Variants in RGS3 observed in about 807,000 individuals in gnomAD.
RGS3 encodes regulator of G-protein signalling 3.
RGS3 carries 80 observed loss-of-function variants against 132.6 expected under a neutral mutation model. That is an observed-to-expected ratio of 0.60 (90% CI 0.50 to 0.73). RGS3 has a LOEUF of 0.73. Among genes scored for constraint, RGS3 ranks in the 30% least tolerant of loss-of-function variants. The pLI is 0.00. For missense variants in RGS3, 1,382 were observed against 1,530.8 expected (o/e 0.90, Z 1.62); for synonymous variants, 598 against 620.6 (o/e 0.96, Z 0.54).
intron 17 of RGS3, among the ~76,000 whole-genome samples, chr9:113,525,245 T>A (rs1832149695): frequency 6.6e-6 from 1 of 152,098 alleles, no homozygotes; most frequent in African/African-American, 2.4e-5. Flanking sequence ...ATGGCTCCAT[T>A]TCTAGGTGCA....
chr9:113,482,027 C>T (rs1385574918), intron 4 of RGS3, among the ~76,000 whole-genome samples: 2 of 140,630 alleles, frequency 1.4e-5, no homozygotes, highest in Non-Finnish European at 3.1e-5. Context: ...GCCTAGGCAA[C>T]AAGTGCGAAA....
intron 23 of RGS3, 145 bp downstream of exon 21, chr9:113,595,125 G>A (rs1261386943): frequency 2.6e-6 from 2 of 780,738 alleles, no homozygotes; most frequent in Non-Finnish European, 4.2e-6. Context: ...GAGGGGCTGA[G>A]CCCAAGCTGA....
intron 19 of RGS3, chr9:113,580,902 A>G (rs1440109985): frequency 1.0e-6 from 1 of 985,628 alleles, no homozygotes; most frequent in Non-Finnish European, 1.2e-6. Context: ...GAAAGGGGAA[A>G]TGCGGCCCGC....
intron 16 of RGS3, among the ~76,000 whole-genome samples, chr9:113,519,290 C>T (rs1020330567): frequency 4.6e-5 from 7 of 152,112 alleles, no homozygotes; most frequent in African/African-American, 1.4e-4. Flanking sequence ...CTAAGGAACA[C>T]AAGCTGAAGC....
At chr9:113,553,998 G>A (rs922413145) in intron 19 of RGS3, among the ~76,000 whole-genome samples, 2 of 152,138 alleles carry the variant, frequency 1.3e-5, no homozygotes, top group Non-Finnish European at 2.9e-5. Context: ...ACATCTTGCC[G>A]CACTTTTCTG....
intron 20 of RGS3, among the ~76,000 whole-genome samples, chr9:113,584,847 T>G (rs1358053085): frequency 6.6e-6 from 1 of 152,244 alleles, no homozygotes; most frequent in African/African-American, 2.4e-5. Flanking sequence ...CAGTTTACAT[T>G]AACTCATTAA....
intron 9 of RGS3, 54 bp downstream of exon 7, chr9:113,497,458 T>C: frequency 7.0e-7 from 1 of 1,434,354 alleles, no homozygotes; most frequent in Non-Finnish European, 9.7e-7. Flanking sequence ...CCTCCCTCCT[T>C]TCCTGCATAG....
At chr9:113,479,673 C>A in intron 4 of RGS3, 132 bp downstream of exon 2, 1 of 812,180 alleles carries the variant, frequency 1.2e-6, no homozygotes, top group Non-Finnish European at 2.0e-6. Flanking sequence ...AGGATGTGTC[C>A]ATTGATAAAA....
At chr9:113,474,279 A>G (rs892663668) in intron 3 of RGS3, among the ~76,000 whole-genome samples, 1 of 152,086 alleles carries the variant, frequency 6.6e-6, no homozygotes, top group Non-Finnish European at 1.5e-5. Flanking sequence ...TGTGTGTCCT[A>G]TGTCCTCACC....
chr9:113,586,243 G>A (rs1365529395), intron 20 of RGS3, among the ~76,000 whole-genome samples: 1 of 152,158 alleles, frequency 6.6e-6, no homozygotes. Context: ...TTTGGAGGGC[G>A]GTTGAGGCCC....
At chr9:113,476,061 C>T (rs908064928) in intron 3 of RGS3, among the ~76,000 whole-genome samples, 1 of 152,120 alleles carries the variant, frequency 6.6e-6, no homozygotes, top group Non-Finnish European at 1.5e-5. Context: ...CCTCAGCCTC[C>T]CAAGCAGCTG....
At chr9:113,566,088 C>T (rs1365279761) in intron 19 of RGS3, among the ~76,000 whole-genome samples, 7 of 152,178 alleles carry the variant, frequency 4.6e-5, no homozygotes, top group African/African-American at 1.7e-4. Context: ...AGCGCTCAGC[C>T]AGCAGGGTTG....
At chr9:113,503,821 C>G (rs112294983) in intron 10 of RGS3, among the ~76,000 whole-genome samples, 3,742 of 152,302 alleles carry the variant, frequency 0.025, 66 homozygotes, top group Admixed American at 0.037. Flanking sequence ...CTCCTGGCGT[C>G]TTCCCTGGCC....
chr9:113,543,961 G>C (rs926498934), intron 19 of RGS3, among the ~76,000 whole-genome samples: 1 of 152,202 alleles, frequency 6.6e-6, no homozygotes, highest in African/African-American at 2.4e-5. Flanking sequence ...TGGCTCCACA[G>C]GCTCGAGAAG....
At chr9:113,575,246 G>A (rs752353789) in intron 19 of RGS3, among the ~76,000 whole-genome samples, 16 of 152,312 alleles carry the variant, frequency 1.1e-4, no homozygotes, top group Non-Finnish European at 2.2e-4. Flanking sequence ...GGGGGCCCTC[G>A]TGTCTCCTCT....
intron 1 of RGS3, among the ~76,000 whole-genome samples, chr9:113,447,329 G>GTATATATGTATATATGTATATATATATA (rs1305095004): frequency 6.2e-4 from 17 of 27,556 alleles, no homozygotes; most frequent in Non-Finnish European, 1.1e-3. Flanking sequence ...GTATGTATAT[G>GTATATATGTATATATGTATATATATATA]TATATATATA....
At chr9:113,519,077 T>C (rs571759142) in intron 16 of RGS3, among the ~76,000 whole-genome samples, 318 of 152,296 alleles carry the variant, frequency 2.1e-3, no homozygotes, top group Non-Finnish European at 3.5e-3. Context: ...GCATTTTACA[T>C]ACTTGACCCC....
Position 113,565,024 on chromosome 9 carries a change from G to A in RGS3, c.2038-18426G>A. On this transcript the variant is annotated intron_variant, in intron 19 of 24. Transcript: ENST00000350696. The surrounding 1 kb of genome is among the most constrained non-coding windows in gnomAD (Gnocchi z 5.7). ...GCTGCCCCAGCCTGGGAGCCCTCAG[G>A]ATGTGTGTGGGGTGGAGCCTGCTAG... is the stretch of plus-strand genomic sequence containing the variant. The A allele has an allele frequency of 6.6e-6, 7 of 1,064,764 alleles. No individual in the cohort carries two copies. The highest frequency in any genetic ancestry group is 6.9e-6 in the Non-Finnish European group (6 of 874,634). 66.0% of individuals were successfully genotyped at this position (1,064,764 alleles called of 1,614,324 possible). A position where few individuals can be genotyped will look rare whatever the true frequency, so the allele number is the denominator to read the frequency against.
chr9:113,536,663 G>A, intron 18 of RGS3, 133 bp from the exon 17 acceptor site: 1 of 1,498,794 alleles, frequency 6.7e-7, no homozygotes, highest in Non-Finnish European at 8.9e-7. Context: ...GTGTGCATTT[G>A]CGGCTTTTGG....
Sources: gnomAD v4.1 joint callset for allele counts (sites outside exome capture counted in the v4.1 genomes callset) on GRCh38, gnomAD v4.1.1 for gene constraint, Gnocchi (gnomAD v3.1) non-coding constraint, MANE v1.5 for transcripts, NCBI Gene and HGNC (gene_info 2026-07-23, HGNC 2026-07-21) for gene names.